Variants in EPS15L1 observed in about 807,000 individuals in gnomAD.
The protein encoded by EPS15L1 is epidermal growth factor receptor substrate 15-like 1.
In EPS15L1, 43 loss-of-function variants were observed where a neutral mutation model predicts 117.1. The observed-to-expected ratio is 0.37, with a 90% CI of 0.29 to 0.47. The LOEUF (loss-of-function observed/expected upper bound fraction) is 0.47, where lower values mean the gene tolerates loss of function less well. Ranked by LOEUF, EPS15L1 falls within the 20% of genes least tolerant of loss-of-function variation. The probability of loss-of-function intolerance (pLI) is 0.99; values close to 1 mark genes in which losing one functional copy is unlikely to be tolerated. For synonymous variants in EPS15L1, 459 were observed against 470.5 expected, an observed-to-expected ratio of 0.98 and a Z score of 0.32; for missense variants, 981 against 1,164.0, an observed-to-expected ratio of 0.84 and a Z score of 2.29.
At chr19:16,464,679 C>T (rs563751950) in intron 1 of EPS15L1, among the ~76,000 whole-genome samples, 2 of 152,294 alleles carry the variant, frequency 1.3e-5, no homozygotes, top group East Asian at 3.9e-4. Context: ...GGTGTCCAAT[C>T]TTTTGGCTTC....
At chr19:16,399,812 G>GT (rs1320774885) in intron 16 of EPS15L1, among the ~76,000 whole-genome samples, 1 of 151,644 alleles carries the variant, frequency 6.6e-6, no homozygotes, top group African/African-American at 2.4e-5. Context: ...GTGAGCCATT[G>GT]TGCCCGGCCA....
chr19:16,444,819 T>C (rs2093067838), intron 1 of EPS15L1, among the ~76,000 whole-genome samples: 1 of 151,502 alleles, frequency 6.6e-6, no homozygotes, highest in African/African-American at 2.4e-5. Context: ...CTCTGACTCC[T>C]GGATTCAAGC....
At chr19:16,461,881 C>T (rs879838074) in intron 1 of EPS15L1, among the ~76,000 whole-genome samples, 78 of 152,286 alleles carry the variant, frequency 5.1e-4, no homozygotes, top group African/African-American at 1.6e-3. Context: ...TGTCAACTAC[C>T]CTCAAAGACA....
chr19:16,365,966 C>G lies in EPS15L1; in HGVS notation c.2381-3982G>C, dbSNP rs2092127621. On this transcript the variant is annotated intron_variant, in intron 22 of 23. Transcript: ENST00000455140. This position sits in a 1 kb window ranked among gnomAD's most constrained non-coding sequence, Gnocchi z 4.9. ...ACCTGGGGCCCTTTGGAGCAACACC[C>G]TGGGGAGCGAGAAGGGAATAAAGGC... Among the ~76,000 whole-genome samples the G allele has an allele frequency of 6.6e-6, 1 of 152,210 alleles. No individual in the cohort carries two copies. The highest frequency in any genetic ancestry group is 1.5e-5 in the Non-Finnish European group (1 of 68,026).
intron 19 of EPS15L1, 108 bp downstream of exon 19, chr19:16,392,196 G>A (rs1286829835): frequency 1.1e-5 from 14 of 1,271,820 alleles, no homozygotes; most frequent in South Asian, 1.1e-4. Flanking sequence ...GCCCACACTC[G>A]CAGGCACCAT....
chr19:16,392,284 C>A lies in EPS15L1; in HGVS notation c.2103+20G>T. 1 of 1,613,700 alleles carries A rather than the reference C, an allele frequency of 6.2e-7. No individual in the cohort carries two copies. Among genetic ancestry groups the A allele is most frequent in the Non-Finnish European group, 8.5e-7 (1 of 1,179,662 alleles). Reference sequence around the variant, plus strand: ...AGAGCAGGCACGCAGCTCTCCCGGGCAACGTCCCACCCCACTCACCTTCGA... The same window carrying A: ...AGAGCAGGCACGCAGCTCTCCCGGGAAACGTCCCACCCCACTCACCTTCGA... On this transcript the variant is annotated intron_variant, in intron 19 of 23. Coordinates refer to ENST00000455140, the MANE Select transcript of EPS15L1 (RefSeq NM_001258374.3).
chr19:16,419,510 T>C (rs1464389457), intron 10 of EPS15L1, among the ~76,000 whole-genome samples: 2 of 151,180 alleles, frequency 1.3e-5, no homozygotes, highest in African/African-American at 4.9e-5. Flanking sequence ...GGGACCCTTG[T>C]GGAGTAAGGA....
At position 16,402,375 on chromosome 19, in the gene EPS15L1, C is replaced by T. The variant is rs1174287016; in HGVS notation, c.1737G>A (p.Leu579=). 6.2e-7 allele frequency: 1 copy of T among 1,614,084 alleles called. No homozygotes were observed. ...GGGAGACGCCTTCGCTCAGGTTGGC[C>T]AGGTCGGTCAGGCTGGCACCATGGG... ...DGAHGASLTD[L]ANLSEGVSLA... is the part of the protein sequence containing the mutation. Residue 579 remains leucine (L), a synonymous_variant, in exon 16 of 24, where the codon CTG becomes CTA. Transcript: ENST00000455140.
intron 22 of EPS15L1, among the ~76,000 whole-genome samples, chr19:16,366,948 G>A (rs891770388): frequency 1.3e-5 from 2 of 152,072 alleles, no homozygotes; most frequent in African/African-American, 2.4e-5. Context: ...ATTTTGTGAG[G>A]TATAGCTTAT....
At chr19:16,375,393 A>C (rs887823827) in intron 22 of EPS15L1, among the ~76,000 whole-genome samples, 1 of 152,084 alleles carries the variant, frequency 6.6e-6, no homozygotes, top group East Asian at 1.9e-4. Flanking sequence ...CATGCATAAA[A>C]ATACATGGCC....
intron 1 of EPS15L1, among the ~76,000 whole-genome samples, chr19:16,443,190 G>A (rs1193465842): frequency 1.3e-5 from 2 of 152,232 alleles, no homozygotes; most frequent in African/African-American, 2.4e-5. Context: ...CAGAATGGAT[G>A]TGTAAACAGC....
intron 16 of EPS15L1, among the ~76,000 whole-genome samples, chr19:16,396,261 T>C (rs1293448694): frequency 6.6e-6 from 1 of 152,174 alleles, no homozygotes; most frequent in African/African-American, 2.4e-5. Context: ...TGCACTATCT[T>C]TGCAGTTTTT....
intron 4 of EPS15L1, 81 bp from the exon 5 acceptor site, chr19:16,437,946 A>G (rs1444236381): frequency 2.8e-6 from 3 of 1,069,562 alleles, no homozygotes; most frequent in Non-Finnish European, 4.2e-6. Flanking sequence ...AGCAGGCTTC[A>G]GGGAAAGAGG....
intron 1 of EPS15L1, among the ~76,000 whole-genome samples, chr19:16,455,527 G>A (rs563110236): frequency 8.6e-5 from 13 of 150,350 alleles, no homozygotes; most frequent in Admixed American, 1.3e-4. Context: ...AGCCCTAAAC[G>A]TCTTCAGGAG....
chr19:16,412,208 G>A (rs545668273), intron 13 of EPS15L1, among the ~76,000 whole-genome samples: 26 of 152,082 alleles, frequency 1.7e-4, no homozygotes, highest in South Asian at 4.2e-4. Context: ...AGAAGCCACC[G>A]TCTATGGTTA....
chr19:16,470,701 G>A (rs1441516679), intron 1 of EPS15L1, among the ~76,000 whole-genome samples: 1 of 151,994 alleles, frequency 6.6e-6, no homozygotes, highest in Non-Finnish European at 1.5e-5. Flanking sequence ...CTCTCTCCTT[G>A]GATCAGCTAA....
In EPS15L1 at chr19:16,412,803, C is replaced by T. The variant is rs1043461151; in HGVS notation, c.1266+970G>A. ...GCAGTGGCATCTGGGGCTGGGGTCGCGGCCGTGGACAGCACCGGAGCCGGG... is the reference window on the plus strand; with the variant it reads ...GCAGTGGCATCTGGGGCTGGGGTCGTGGCCGTGGACAGCACCGGAGCCGGG... On this transcript the variant is annotated intron_variant, in intron 13 of 23. Transcript: ENST00000455140. 8.9e-5 allele frequency: 40 copies of T among 449,792 alleles called. 1 individual carries two copies. The highest frequency in any genetic ancestry group is 5.1e-4 in the African/African-American group (25 of 49,220). 27.9% of individuals were successfully genotyped at this position (449,792 alleles called of 1,614,324 possible).
At chr19:16,429,550 C>G (rs2092909347) in intron 7 of EPS15L1, among the ~76,000 whole-genome samples, 1 of 152,212 alleles carries the variant, frequency 6.6e-6, no homozygotes, top group African/African-American at 2.4e-5. Context: ...TGCTGCTGCG[C>G]CCGAGGCTCA....
At chr19:16,388,066 G>A (rs903006359) in intron 19 of EPS15L1, among the ~76,000 whole-genome samples, 1 of 152,064 alleles carries the variant, frequency 6.6e-6, no homozygotes, top group African/African-American at 2.4e-5. Flanking sequence ...TTTTGAGATG[G>A]GAGTCTCACT....
Sources: gnomAD v4.1 joint callset for allele counts (sites outside exome capture counted in the v4.1 genomes callset) on GRCh38, gnomAD v4.1.1 for gene constraint, Gnocchi (gnomAD v3.1) non-coding constraint, MANE v1.5 for transcripts, NCBI Gene and HGNC (gene_info 2026-07-23, HGNC 2026-07-21) for gene names.